CEP63: variants seen among roughly 807,000 people sequenced by gnomAD.
The protein encoded by CEP63 is centrosomal protein 63.
A neutral mutation model predicts 89.1 loss-of-function variants in CEP63; 84 were observed. The observed-to-expected ratio is 0.94, with a 90% CI of 0.79 to 1.13. The LOEUF (loss-of-function observed/expected upper bound fraction) is 1.13. Ranked by LOEUF, CEP63 falls within the 50% of genes most tolerant of loss-of-function variation. The probability of loss-of-function intolerance (pLI) is 0.00; values close to 1 mark genes in which losing one functional copy is unlikely to be tolerated. For missense variants in CEP63, 838 were observed against 813.3 expected (o/e 1.03, Z -0.37); for synonymous variants, 267 against 272.5 (o/e 0.98, Z 0.20).
the CEP63 span, among the ~76,000 whole-genome samples, chr3:134,625,439 C>T: frequency 2.6e-5 from 4 of 152,200 alleles, no homozygotes; most frequent in Non-Finnish European, 4.4e-5. Flanking sequence ...CCAGTAGTTC[C>T]CAGACATATT....
At chr3:134,487,252 C>T (rs1428135894) in intron 1 of CEP63, among the ~76,000 whole-genome samples, 3 of 152,188 alleles carry the variant, frequency 2.0e-5, no homozygotes, top group African/African-American at 7.2e-5. Context: ...TCTTATTTGG[C>T]ATGCAGTACC....
chr3:134,746,274 G>C, the CEP63 span, among the ~76,000 whole-genome samples: 1 of 152,000 alleles, frequency 6.6e-6, no homozygotes, highest in Non-Finnish European at 1.5e-5. Context: ...TGGCTGCATA[G>C]TATTCCATGG....
intron 5 of CEP63, among the ~76,000 whole-genome samples, chr3:134,534,499 T>A (rs1421662355): frequency 6.6e-6 from 1 of 152,214 alleles, no homozygotes; most frequent in Non-Finnish European, 1.5e-5. Flanking sequence ...ACCTTTTTAC[T>A]GCTCCATTAT....
At chr3:134,551,775 A>G (rs535080492) in intron 11 of CEP63, 151 bp from the exon 12 acceptor site, 34 of 192,100 alleles carry the variant, frequency 1.8e-4, no homozygotes, top group Non-Finnish European at 2.8e-4. Context: ...ACGTACATAT[A>G]TATATGTATA....
At chr3:134,608,946 C>A in the CEP63 span, 1 of 1,280,480 alleles carries the variant, frequency 7.8e-7, no homozygotes, top group Non-Finnish European at 1.1e-6. Context: ...GAAGAGGCAC[C>A]ATCTCCGACC....
chr3:134,525,283 C>T (rs1577050404), intron 3 of CEP63, among the ~76,000 whole-genome samples: 4 of 152,054 alleles, frequency 2.6e-5, no homozygotes, highest in Admixed American at 2.0e-4. Flanking sequence ...CTTTATTAGT[C>T]TAGCTGGTGG....
At chr3:134,728,004 T>TA in the CEP63 span, among the ~76,000 whole-genome samples, 1 of 152,090 alleles carries the variant, frequency 6.6e-6, no homozygotes, top group Non-Finnish European at 1.5e-5. Flanking sequence ...TTTAAAACTA[T>TA]AAGGTATAGA....
At chr3:134,648,076 C>T in the CEP63 span, among the ~76,000 whole-genome samples, 2 of 152,242 alleles carry the variant, frequency 1.3e-5, no homozygotes, top group Non-Finnish European at 2.9e-5. Flanking sequence ...AGCTCTCGCT[C>T]TGGCTGCGGC....
the CEP63 span, chr3:134,604,556 G>A: frequency 1.9e-4 from 244 of 1,265,620 alleles, 2 homozygotes; most frequent in South Asian, 3.3e-3. Flanking sequence ...CTGTCTCCCT[G>A]GGAGAAAAAC....
At chr3:134,499,041 G>T (rs750105107) in intron 2 of CEP63, among the ~76,000 whole-genome samples, 6 of 152,136 alleles carry the variant, frequency 3.9e-5, no homozygotes, top group Non-Finnish European at 8.8e-5. Context: ...TCAGAGTAAA[G>T]GTGGCCTTGT....
the CEP63 span, among the ~76,000 whole-genome samples, chr3:134,653,124 G>A: frequency 6.6e-6 from 1 of 152,204 alleles, no homozygotes; most frequent in South Asian, 2.1e-4. Context: ...TGCTATGTCT[G>A]AAGACAGCTT....
the CEP63 span, chr3:134,628,173 C>T: frequency 1.5e-5 from 4 of 273,552 alleles, no homozygotes; most frequent in Non-Finnish European, 2.8e-5. Context: ...GAATCCACTG[C>T]CAGATAATGC....
chr3:134,631,877 G>C, the CEP63 span, among the ~76,000 whole-genome samples: 2 of 151,988 alleles, frequency 1.3e-5, no homozygotes, highest in Non-Finnish European at 2.9e-5. Context: ...CACACTAATT[G>C]AAAAATAGAG....
chr3:134,767,973 T>C, the CEP63 span, among the ~76,000 whole-genome samples: 29 of 152,302 alleles, frequency 1.9e-4, no homozygotes, highest in Middle Eastern at 3.4e-3. Flanking sequence ...GGGGAAAGTA[T>C]TCTAGGCAGA....
chr3:134,710,888 A>AT, the CEP63 span, among the ~76,000 whole-genome samples: 20 of 151,720 alleles, frequency 1.3e-4, no homozygotes, highest in African/African-American at 4.8e-4. Context: ...TGCCAGGCTA[A>AT]TTTTTTGTAT....
chr3:134,607,697 C>T, the CEP63 span: 1 of 985,712 alleles, frequency 1.0e-6, no homozygotes, highest in African/African-American at 1.7e-5. Context: ...CCCCGTATGC[C>T]TCAGAGTGTG....
At chr3:134,607,881 G>T in the CEP63 span, 5 of 991,190 alleles carry the variant, frequency 5.0e-6, 1 homozygote, top group Admixed American at 1.7e-4. Flanking sequence ...CCAGGCAGAG[G>T]TGCTGGAGCT....
At chr3:134,735,337 A>G in the CEP63 span, among the ~76,000 whole-genome samples, 1 of 152,148 alleles carries the variant, frequency 6.6e-6, no homozygotes, top group Non-Finnish European at 1.5e-5. Context: ...CACAGCCAAC[A>G]ACCTACAACT....
At chr3:134,707,556 A>G in the CEP63 span, among the ~76,000 whole-genome samples, 1 of 152,096 alleles carries the variant, frequency 6.6e-6, no homozygotes, top group Non-Finnish European at 1.5e-5. Flanking sequence ...TCCTAGTTCC[A>G]CTACTACTGT....
Sources: allele counts gnomAD v4.1 joint callset (sites outside exome capture counted in the v4.1 genomes callset), GRCh38; gene constraint gnomAD v4.1.1; transcripts MANE v1.5; gene names NCBI Gene and HGNC (gene_info 2026-07-23, HGNC 2026-07-21).